TTC22: variants seen among roughly 807,000 people sequenced by gnomAD.
TTC22 encodes tetratricopeptide repeat domain 22.
TTC22 carries 42 observed loss-of-function variants against 48.2 expected under a neutral mutation model. The ratio of observed to expected loss-of-function variants is 0.87; its 90% confidence interval spans 0.68 to 1.13. The LOEUF (loss-of-function observed/expected upper bound fraction) is 1.13. Ranked by LOEUF, TTC22 falls within the 50% of genes most tolerant of loss-of-function variation. TTC22 has a pLI of 0.00. For missense variants in TTC22, 784 were observed against 807.0 expected (o/e 0.97, Z 0.34); for synonymous variants, 345 against 365.5 (o/e 0.94, Z 0.64).
At chr1:54,784,471 G>T in intron 5 of TTC22, 1 of 864,866 alleles carries the variant, frequency 1.2e-6, no homozygotes, top group Non-Finnish European at 1.4e-6. Flanking sequence ...GGTTCTATGT[G>T]GCCTCATTTG....
Position 54,786,950 on chromosome 1 carries a change from C to G in TTC22, c.858+7G>C, listed in dbSNP as rs1186536217. 6.9e-7 allele frequency: 1 copy of G among 1,454,382 alleles called. No homozygotes were observed. Among genetic ancestry groups the G allele is most frequent in the Non-Finnish European group, 9.3e-7 (1 of 1,080,584 alleles). The allele number at this position is 1,454,382 out of a possible 1,614,324, so 90.1% of individuals were successfully genotyped here. A position where few individuals can be genotyped will look rare whatever the true frequency, so the allele number is the denominator to read the frequency against. On this transcript the variant is annotated splice_region_variant and intron_variant, in intron 4 of 6. Transcript: ENST00000371276. Reference sequence around the variant, plus strand: ...TTTAGAGGGTGGGTGTGGCTGGGGGCAAGTACCTTGCCGAAGCAGTCTAGA... The same window carrying G: ...TTTAGAGGGTGGGTGTGGCTGGGGGGAAGTACCTTGCCGAAGCAGTCTAGA...
Position 54,781,575 on chromosome 1 carries a change from C to A in TTC22, c.1378G>T (p.Glu460Ter). The A allele has an allele frequency of 6.6e-7, 1 of 1,523,998 alleles. No individual in the cohort carries two copies. The highest frequency in any genetic ancestry group is 1.2e-5 in the South Asian group (1 of 82,414). 94.4% of individuals were successfully genotyped at this position (1,523,998 alleles called of 1,614,324 possible). Residue 460 changes from glutamate to a stop codon, truncating the protein, a stop_gained, in exon 7 of 7, where the codon GAG (glutamate) becomes TAG (stop). Coordinates refer to ENST00000371276, the MANE Select transcript of TTC22 (RefSeq NM_001114108.2). LOFTEE classifies it high-confidence loss of function. ...TGGCTGGAGCCCGCGTCGTCCAGCT[C>A]CACTGCGCGCTTGAAGCAGGCGGCC... ...NAAACFKRAV[E>*]LDDAGSSHTD...
chr1:54,787,328 T>C (rs951507587), intron 3 of TTC22: 6 of 553,576 alleles, frequency 1.1e-5, no homozygotes, highest in Non-Finnish European at 1.9e-5. Flanking sequence ...CGTAGGTCTC[T>C]TCTGACTTCA....
chr1:54,787,594 C>T lies in TTC22; in HGVS notation c.739+117G>A, dbSNP rs556174855. 1.4e-3 allele frequency: 1,061 copies of T among 762,596 alleles called. 10 individuals are homozygous for T. The African/African-American group carries it at 0.016, about 11-fold the overall frequency. 47.2% of individuals were successfully genotyped at this position (762,596 alleles called of 1,614,324 possible). On this transcript the variant is annotated intron_variant, in intron 3 of 6. Coordinates refer to ENST00000371276, the MANE Select transcript of TTC22 (RefSeq NM_001114108.2). ...GCACAGATGAGTGTAGGGGACAGAG[C>T]GAAGGAGGAAGAAACAGGAGCCAAG...
At chr1:54,786,189 T>A in intron 4 of TTC22, 45 bp from the exon 5 acceptor site, 1 of 1,590,168 alleles carries the variant, frequency 6.3e-7, no homozygotes, top group Non-Finnish European at 8.6e-7. Flanking sequence ...GCTTGGTCAT[T>A]AGCCAGAGCT....
At chr1:54,789,542 C>T (rs190965004) in intron 1 of TTC22, among the ~76,000 whole-genome samples, 1 of 152,328 alleles carries the variant, frequency 6.6e-6, no homozygotes, top group East Asian at 1.9e-4. Flanking sequence ...GGTGTGACCA[C>T]CCATCAGGAC....
chr1:54,786,931 G>T, intron 4 of TTC22, 26 bp downstream of exon 4: 1 of 1,239,790 alleles, frequency 8.1e-7, no homozygotes, highest in Non-Finnish European at 1.1e-6. Flanking sequence ...TCAGTTTAGA[G>T]GGTGGGTGTG....
chr1:54,788,419 C>T (rs12128375), intron 1 of TTC22, among the ~76,000 whole-genome samples: 14,720 of 151,314 alleles, frequency 0.097, 869 homozygotes, highest in Non-Finnish European at 0.14. Context: ...CCCACCCTCT[C>T]CTCCACGCCC....
At chr1:54,798,420 C>T (rs565228428) in intron 1 of TTC22, among the ~76,000 whole-genome samples, 5 of 152,352 alleles carry the variant, frequency 3.3e-5, no homozygotes, top group Non-Finnish European at 7.3e-5. Flanking sequence ...TGATACCAAC[C>T]TTTGGTCCCC....
In TTC22 at chr1:54,781,651, CA is replaced by C. The variant is rs1172285985; in HGVS notation, c.1301del (p.Leu434ArgfsTer55). 6.5e-7 allele frequency: 1 copy of C among 1,530,426 alleles called. No individual in the cohort carries two copies. Among genetic ancestry groups the C allele is most frequent in the East Asian group, 2.5e-5 (1 of 40,472 alleles). The allele number at this position is 1,530,426 out of a possible 1,614,324, so 94.8% of individuals were successfully genotyped here. ...ESELGATLPE[L>X]QLLRGKCLRI... ...GCAGGCACTTGCCGCGCAGCAGCTGCAGCTCGGGCAGCGTGGCACCCAGCTC... is the reference window on the plus strand; with the variant it reads ...GCAGGCACTTGCCGCGCAGCAGCTGCGCTCGGGCAGCGTGGCACCCAGCTC... On this transcript the variant is annotated frameshift_variant, in exon 7 of 7. Transcript: ENST00000371276. LOFTEE classifies it high-confidence loss of function.
At chr1:54,783,519 G>C (rs115362383) in intron 5 of TTC22, among the ~76,000 whole-genome samples, 46 of 152,282 alleles carry the variant, frequency 3.0e-4, no homozygotes, top group African/African-American at 1.0e-3. Flanking sequence ...CCTCCTCTGT[G>C]CCAGACACTG....
rs1186941560 is a variant in TTC22 at position 54,781,319 on chromosome 1, C to G, written c.1634G>C (p.Arg545Pro). The G allele has an allele frequency of 6.9e-7, 1 of 1,440,168 alleles. No individual in the cohort carries two copies. The highest frequency in any genetic ancestry group is 3.0e-5 in the East Asian group (1 of 33,182). The allele number at this position is 1,440,168 out of a possible 1,614,324, so 89.2% of individuals were successfully genotyped here. The change falls in exon 7 of 7, where the codon CGG becomes CCG. Residue 545 changes from arginine to proline, a missense_variant. Coordinates refer to ENST00000371276, the MANE Select transcript of TTC22 (RefSeq NM_001114108.2). ...LVAQGRPALV[R>P]LLFETMEREG... ...GCGCTCCATGGTCTCGAAGAGCAGC[C>G]GCACCAGCGCCGGCCGTCCCTGGGC...
intron 1 of TTC22, among the ~76,000 whole-genome samples, 187 bp from the exon 2 acceptor site, chr1:54,788,284 C>A (rs1374682715): frequency 6.6e-6 from 1 of 152,174 alleles, no homozygotes; most frequent in Non-Finnish European, 1.5e-5. Context: ...CAAGTCACTT[C>A]ACTTCTCTGA....
At chr1:54,789,377 G>A (rs1646332582) in intron 1 of TTC22, among the ~76,000 whole-genome samples, 2 of 152,256 alleles carry the variant, frequency 1.3e-5, no homozygotes, top group Admixed American at 1.3e-4. Context: ...CAGAGGCCTG[G>A]AGACGTTGGG....
chr1:54,791,333 G>T (rs534748982), intron 1 of TTC22, among the ~76,000 whole-genome samples: 4 of 152,172 alleles, frequency 2.6e-5, no homozygotes, highest in African/African-American at 9.7e-5. Context: ...GGGTGGGAAA[G>T]CGAAGAGCTG....
intron 5 of TTC22, among the ~76,000 whole-genome samples, chr1:54,784,057 T>C (rs536658738): frequency 6.6e-6 from 1 of 152,368 alleles, no homozygotes; most frequent in South Asian, 2.1e-4. Context: ...ATGGCTTTGA[T>C]ATTTTCAATT....
intron 1 of TTC22, among the ~76,000 whole-genome samples, chr1:54,799,166 C>T (rs1646413807): frequency 6.6e-6 from 1 of 152,182 alleles, no homozygotes; most frequent in African/African-American, 2.4e-5. Context: ...GGCCATGCCC[C>T]AGGACACAGC....
intron 3 of TTC22, 23 bp from the exon 4 acceptor site, chr1:54,787,098 G>A: frequency 7.4e-7 from 1 of 1,345,216 alleles, no homozygotes; most frequent in Non-Finnish European, 1.0e-6. Context: ...GGTGGGAGAG[G>A]GTCTCTAGGA....
intron 5 of TTC22, chr1:54,785,091 G>T (rs187266471): frequency 1.6e-5 from 3 of 185,248 alleles, no homozygotes; most frequent in South Asian, 8.5e-5. Flanking sequence ...TACAGATAAA[G>T]AAATTGAGGC....
Sources: gnomAD v4.1 joint callset for allele counts (sites outside exome capture counted in the v4.1 genomes callset) on GRCh38, gnomAD v4.1.1 for gene constraint, MANE v1.5 for transcripts, NCBI Gene and HGNC (gene_info 2026-07-23, HGNC 2026-07-21) for gene names.